Variants in COL19A1 observed in about 807,000 individuals in gnomAD.
COL19A1 encodes the protein collagen alpha-1(XIX) chain.
A neutral mutation model predicts 190.2 loss-of-function variants in COL19A1; 159 were observed. The observed-to-expected ratio is 0.84, with a 90% CI of 0.73 to 0.95. The LOEUF (loss-of-function observed/expected upper bound fraction) is 0.95, where lower values mean the gene tolerates loss of function less well. Ranked by LOEUF, COL19A1 falls within the 40% of genes least tolerant of loss-of-function variation. COL19A1 has a pLI of 0.00. For missense variants in COL19A1, 1,418 were observed against 1,431.9 expected (o/e 0.99, Z 0.16); for synonymous variants, 509 against 458.9 (o/e 1.11, Z -1.39).
intron 11 of COL19A1, among the ~76,000 whole-genome samples, chr6:69,972,739 T>G (rs892746833): frequency 2.0e-5 from 3 of 152,248 alleles, no homozygotes; most frequent in Non-Finnish European, 2.9e-5. Context: ...GGAAATATTG[T>G]TTAACCTAGT....
At chr6:70,175,823 C>T (rs149891308) in intron 41 of COL19A1, among the ~76,000 whole-genome samples, 5 of 152,272 alleles carry the variant, frequency 3.3e-5, no homozygotes, top group Non-Finnish European at 5.9e-5. Context: ...TTGTCTTGCT[C>T]TCCAAGAACA....
At chr6:69,951,137 C>T (rs1241554596) in intron 9 of COL19A1, among the ~76,000 whole-genome samples, 1 of 151,784 alleles carries the variant, frequency 6.6e-6, no homozygotes. Context: ...TAAATCATAG[C>T]CATCATTACT....
intron 9 of COL19A1, among the ~76,000 whole-genome samples, chr6:69,950,905 A>G (rs975039139): frequency 4.0e-5 from 6 of 151,884 alleles, no homozygotes; most frequent in African/African-American, 2.4e-5. Context: ...CATAAAAGAT[A>G]TATTTCTCTA....
intron 2 of COL19A1, among the ~76,000 whole-genome samples, chr6:69,896,595 T>C (rs529191333): frequency 6.8e-6 from 1 of 147,336 alleles, no homozygotes; most frequent in Non-Finnish European, 1.5e-5. Flanking sequence ...TTTTCTGAAG[T>C]GTACTAATTT....
intron 11 of COL19A1, among the ~76,000 whole-genome samples, chr6:69,996,935 T>C (rs189322717): frequency 2.7e-5 from 4 of 148,920 alleles, no homozygotes; most frequent in African/African-American, 1.0e-4. Flanking sequence ...TGTGTGTGTG[T>C]GTGTATATAT....
chr6:69,891,203 C>CG (rs1554158949), intron 2 of COL19A1: 57 of 105,226 alleles, frequency 5.4e-4, no homozygotes, highest in Middle Eastern at 5.2e-3. Context: ...ACCCAGCTAG[C>CG]AAAAAAAAAA....
rs1768199147 is a variant in COL19A1 at position 70,211,389 on chromosome 6, C to T, written c.*4115C>T. Reference sequence around the variant, plus strand: ...ATTATTTTTCATACTTGTCTGTATCCACCTTCTGAAGACACACAAGTGTTT... The same window carrying T: ...ATTATTTTTCATACTTGTCTGTATCTACCTTCTGAAGACACACAAGTGTTT... On this transcript the variant is annotated 3_prime_UTR_variant, in exon 51 of 51. Transcript: ENST00000620364. Among the ~76,000 whole-genome samples, 1 of 151,792 alleles carries T rather than the reference C, an allele frequency of 6.6e-6. No individual in the cohort carries two copies. Among genetic ancestry groups the T allele is most frequent in the South Asian group, 2.1e-4 (1 of 4,818 alleles).
intron 14 of COL19A1, among the ~76,000 whole-genome samples, chr6:70,063,680 A>G (rs1276381345): frequency 6.6e-6 from 1 of 152,198 alleles, no homozygotes; most frequent in Non-Finnish European, 1.5e-5. Flanking sequence ...TCAAAAAATT[A>G]ATGAATCCAG....
chr6:70,105,446 G>A (rs546503629), intron 16 of COL19A1, among the ~76,000 whole-genome samples: 3 of 152,200 alleles, frequency 2.0e-5, no homozygotes, highest in South Asian at 2.1e-4. Flanking sequence ...GTGAGCCACC[G>A]TGCCTGGCCA....
chr6:69,883,170 A>ACTG (rs1768678382), intron 2 of COL19A1, among the ~76,000 whole-genome samples: 1 of 152,244 alleles, frequency 6.6e-6, no homozygotes, highest in South Asian at 2.1e-4. Flanking sequence ...TGGAAGAAAT[A>ACTG]GCAAGAAAAA....
chr6:69,926,255 G>C (rs1439051074), intron 4 of COL19A1, among the ~76,000 whole-genome samples: 1 of 152,104 alleles, frequency 6.6e-6, no homozygotes, highest in Non-Finnish European at 1.5e-5. Context: ...TATGCAAAAA[G>C]AAGGTATGCA....
At chr6:69,996,273 G>T (rs1178629682) in intron 11 of COL19A1, among the ~76,000 whole-genome samples, 1 of 152,064 alleles carries the variant, frequency 6.6e-6, no homozygotes, top group Non-Finnish European at 1.5e-5. Flanking sequence ...AGCTATAGAG[G>T]CAGACATGTG....
intron 16 of COL19A1, among the ~76,000 whole-genome samples, chr6:70,116,692 T>C (rs1281128084): frequency 6.6e-6 from 1 of 152,194 alleles, no homozygotes; most frequent in Non-Finnish European, 1.5e-5. Flanking sequence ...TACTGATCTC[T>C]ACTTTTTTAC....
At chr6:70,032,618 A>C (rs1240906125) in intron 12 of COL19A1, among the ~76,000 whole-genome samples, 1 of 152,166 alleles carries the variant, frequency 6.6e-6, no homozygotes, top group African/African-American at 2.4e-5. Context: ...TTTAAAAATT[A>C]TTAGTGAGAT....
chr6:69,997,318 C>A (rs1009449968), intron 11 of COL19A1, among the ~76,000 whole-genome samples: 3 of 152,108 alleles, frequency 2.0e-5, no homozygotes, highest in Non-Finnish European at 4.4e-5. Flanking sequence ...GTGATCCCAA[C>A]AAAGCCAGTT....
At chr6:70,201,310 C>T (rs534132593) in intron 49 of COL19A1, among the ~76,000 whole-genome samples, 5 of 152,272 alleles carry the variant, frequency 3.3e-5, no homozygotes, top group Admixed American at 3.3e-4. Context: ...ACAGGTGCTG[C>T]GAAGGCCCAT....
chr6:69,952,975 T>C (rs1056658633), intron 9 of COL19A1, among the ~76,000 whole-genome samples: 12 of 152,058 alleles, frequency 7.9e-5, no homozygotes. Context: ...GTATAAAAGC[T>C]AGAGAATTTT....
intron 40 of COL19A1, 43 bp from the exon 41 acceptor site, chr6:70,171,920 AT>A (rs1187383590): frequency 6.3e-7 from 1 of 1,597,020 alleles, no homozygotes; most frequent in Non-Finnish European, 8.6e-7. Context: ...GCTTAAAAAC[AT>A]TTTGATTATT....
intron 2 of COL19A1, among the ~76,000 whole-genome samples, chr6:69,895,497 G>A (rs2149965953): frequency 6.6e-6 from 1 of 152,318 alleles, no homozygotes; most frequent in Non-Finnish European, 1.5e-5. Context: ...GTAAGACAGG[G>A]TTTTATTGGG....
Sources: gnomAD v4.1 joint callset for allele counts (sites outside exome capture counted in the v4.1 genomes callset) on GRCh38, gnomAD v4.1.1 for gene constraint, MANE v1.5 for transcripts, NCBI Gene and HGNC (gene_info 2026-07-23, HGNC 2026-07-21) for gene names.